Variants in HGSNAT observed in about 807,000 individuals in gnomAD.
HGSNAT encodes heparan-alpha-glucosaminide N-acetyltransferase.
HGSNAT carries 59 observed loss-of-function variants against 85.2 expected under a neutral mutation model. That is an observed-to-expected ratio of 0.69 (90% confidence interval 0.56 to 0.86). The LOEUF is 0.86. Among genes scored for constraint, HGSNAT ranks in the 40% least tolerant of loss-of-function variants. The probability of loss-of-function intolerance (pLI) is 0.00; values close to 1 mark genes in which losing one functional copy is unlikely to be tolerated. For missense variants in HGSNAT, 756 were observed against 777.1 expected (o/e 0.97, Z 0.32); for synonymous variants, 321 against 304.5 (o/e 1.05, Z -0.56).
intron 11 of HGSNAT, among the ~76,000 whole-genome samples, chr8:43,189,362 C>T (rs1461953619): frequency 6.6e-6 from 1 of 152,158 alleles, no homozygotes; most frequent in East Asian, 1.9e-4. Context: ...GCCTCGCTGC[C>T]ACCTTGCAGT....
rs1460685113 is a variant in HGSNAT at position 43,193,757 on chromosome 8, G to A, written c.1378G>A (p.Val460Ile). 17 of 1,610,314 alleles carry A rather than the reference G, an allele frequency of 1.1e-5. No homozygotes were observed. Among genetic ancestry groups the A allele is most frequent in the Non-Finnish European group, 1.4e-5 (17 of 1,177,040 alleles). Residue 460 changes from valine (V) to isoleucine (I), a missense_variant and splice_region_variant, in exon 14 of 18, where the codon GTA (valine) becomes ATA (isoleucine). Transcript: ENST00000379644. ...DHLYQHPSSA[V>I]LYHTEVAYDP... is the part of the protein sequence containing the mutation. ...CTGCCTTCTGCTTCTGTTTGTTAAG[G>A]TACTTTACCACACCGAGGTGGCCTA...
chr8:43,165,813 G>A (rs904940164), intron 5 of HGSNAT, among the ~76,000 whole-genome samples: 1 of 152,184 alleles, frequency 6.6e-6, no homozygotes, highest in South Asian at 2.1e-4. Flanking sequence ...TTGCATGCCT[G>A]TAATCCCAGC....
At chr8:43,145,653 AGGCAGGAGAAT>A (rs1338376558) in intron 1 of HGSNAT, among the ~76,000 whole-genome samples, 9 of 152,124 alleles carry the variant, frequency 5.9e-5, no homozygotes, top group Non-Finnish European at 1.5e-5. Context: ...CAGGAGGCTG[AGGCAGGAGAAT>A]GGCTTGAACC....
rs1563367591 is a variant in HGSNAT, at chr8:43,170,506, C to CA, written c.634-76dup. 2.4e-6 allele frequency: 3 copies of CA among 1,226,518 alleles called. No homozygotes were observed. In the East Asian group the frequency reaches 7.6e-5, roughly 31 times the overall value. 76.0% of individuals were successfully genotyped at this position (1,226,518 alleles called of 1,614,324 possible). A position where few individuals can be genotyped will look rare whatever the true frequency, so the allele number is the denominator to read the frequency against. On this transcript the variant is annotated intron_variant, in intron 6 of 17. Coordinates refer to ENST00000379644, the MANE Select transcript of HGSNAT (RefSeq NM_152419.3). ...AAAAACAAAACAAAACAAAACAAAA[C>CA]AAAGAAATCAAAAAATGACAAAATG...
At chr8:43,142,489 CACAT>C (rs916294634) in intron 1 of HGSNAT, among the ~76,000 whole-genome samples, 257 of 152,090 alleles carry the variant, frequency 1.7e-3, no homozygotes, top group African/African-American at 6.0e-3. Flanking sequence ...TTTTAAAAAC[CACAT>C]TCAAATAATG....
intron 1 of HGSNAT, among the ~76,000 whole-genome samples, chr8:43,143,152 A>G (rs992123887): frequency 2.0e-5 from 3 of 152,266 alleles, no homozygotes; most frequent in African/African-American, 7.2e-5. Flanking sequence ...AGTTATGCAA[A>G]TACCTCAGAA....
chr8:43,173,648 C>T (rs1056222621), intron 8 of HGSNAT, 65 bp from the exon 9 acceptor site: 3 of 1,539,924 alleles, frequency 1.9e-6, no homozygotes, highest in South Asian at 1.2e-5. Context: ...ATGAAGTCCA[C>T]ACTAGATTTA....
intron 1 of HGSNAT, among the ~76,000 whole-genome samples, chr8:43,142,929 G>A (rs888781058): frequency 6.6e-6 from 1 of 152,212 alleles, no homozygotes; most frequent in Non-Finnish European, 1.5e-5. Flanking sequence ...TTCCATCTAC[G>A]AAGGGATGAT....
chr8:43,173,799 T>C, intron 9 of HGSNAT, 56 bp downstream of exon 9: 1 of 1,562,258 alleles, frequency 6.4e-7, no homozygotes, highest in African/African-American at 1.3e-5. Flanking sequence ...TCTCCTGTTT[T>C]TCAGATGATG....
intron 4 of HGSNAT, among the ~76,000 whole-genome samples, chr8:43,159,253 TG>T: frequency 6.6e-6 from 1 of 152,324 alleles, no homozygotes; most frequent in Non-Finnish European, 1.5e-5. Context: ...ATATGTTTAT[TG>T]TATTATCTGT....
Position 43,150,630 on chromosome 8 carries a change from G to C in HGSNAT, c.234+3567G>C, listed in dbSNP as rs981917502. Among the ~76,000 whole-genome samples, 5 of 152,168 alleles carry C rather than the reference G, an allele frequency of 3.3e-5. No homozygotes were observed. In the East Asian group the frequency reaches 9.7e-4, roughly 30 times the overall value. On this transcript the variant is annotated intron_variant, in intron 2 of 17. Transcript: ENST00000379644. ...GGGCGGATCACAAGGTCAGGAGATCGAGACCATCCTGGCCAACACGGTGAA... is the reference window on the plus strand; with the variant it reads ...GGGCGGATCACAAGGTCAGGAGATCCAGACCATCCTGGCCAACACGGTGAA...
chr8:43,158,496 G>T, intron 2 of HGSNAT, 79 bp from the exon 3 acceptor site: 1 of 1,456,154 alleles, frequency 6.9e-7, no homozygotes. Context: ...AGGATCTCCA[G>T]TTGGATATTT....
chr8:43,171,999 C>T (rs1223955641), intron 7 of HGSNAT, among the ~76,000 whole-genome samples: 2 of 152,138 alleles, frequency 1.3e-5, no homozygotes, highest in African/African-American at 4.8e-5. Context: ...AAATAATTAG[C>T]ACAAAACTGA....
intron 5 of HGSNAT, among the ~76,000 whole-genome samples, chr8:43,168,824 T>G (rs1264227299): frequency 6.6e-6 from 1 of 152,254 alleles, no homozygotes; most frequent in African/African-American, 2.4e-5. Context: ...TTGTTTTGAG[T>G]AAATTTGGTT....
intron 4 of HGSNAT, 32 bp downstream of exon 4, chr8:43,159,076 T>A (rs749415198): frequency 3.1e-6 from 5 of 1,594,136 alleles, no homozygotes; most frequent in Non-Finnish European, 4.3e-6. Flanking sequence ...ATTTTCACAT[T>A]TGCATTTTCA....
chr8:43,150,865 A>G (rs2130692502), intron 2 of HGSNAT, among the ~76,000 whole-genome samples: 1 of 151,694 alleles, frequency 6.6e-6, no homozygotes. Flanking sequence ...AAATAAATAA[A>G]TAAAATAAAA....
intron 10 of HGSNAT, among the ~76,000 whole-genome samples, chr8:43,179,261 C>T (rs1264915648): frequency 5.3e-5 from 8 of 151,256 alleles, no homozygotes; most frequent in South Asian, 2.1e-4. Flanking sequence ...ACCACCCTCC[C>T]GGACGGGGCG....
Position 43,169,233 on chromosome 8 carries a change from C to T in HGSNAT, c.624C>T (p.Leu208=). The change falls in exon 6 of 18, where the codon CTC becomes CTT. Residue 208 remains leucine (L), a synonymous_variant. Transcript: ENST00000379644. Reference sequence around the variant, plus strand: ...TAAGTTCTCGAGAAACTGATCGCCTCATCAATTCTGTAAGTTATGAGATGC... The same window carrying T: ...TAAGTTCTCGAGAAACTGATCGCCTTATCAATTCTGTAAGTTATGAGATGC... ...KAISSRETDR[L]INSELGSPSR... 1.9e-6 allele frequency: 3 copies of T among 1,582,278 alleles called. No individual in the cohort carries two copies. Among genetic ancestry groups the T allele is most frequent in the Non-Finnish European group, 2.6e-6 (3 of 1,161,520 alleles).
intron 2 of HGSNAT, among the ~76,000 whole-genome samples, chr8:43,155,994 C>A (rs1456142276): frequency 1.3e-5 from 2 of 152,154 alleles, no homozygotes; most frequent in African/African-American, 4.8e-5. Context: ...ACACCCACTA[C>A]CATGCCCGGC....
Sources: allele counts gnomAD v4.1 joint callset (sites outside exome capture counted in the v4.1 genomes callset), GRCh38; gene constraint gnomAD v4.1.1; transcripts MANE v1.5; gene names NCBI Gene and HGNC (gene_info 2026-07-23, HGNC 2026-07-21).